Variants in NDST1 observed in about 807,000 individuals in gnomAD.
NDST1 encodes bifunctional heparan sulfate N-deacetylase/N-sulfotransferase 1.
In NDST1, 35 loss-of-function variants were observed where a neutral mutation model predicts 92.8. That is an observed-to-expected ratio of 0.38 (90% CI 0.29 to 0.50). The LOEUF (loss-of-function observed/expected upper bound fraction) is 0.50, where lower values mean the gene tolerates loss of function less well. Among genes scored for constraint, NDST1 ranks in the 20% least tolerant of loss-of-function variants. NDST1 has a pLI of 0.94. For synonymous variants in NDST1, 493 were observed against 500.3 expected, an observed-to-expected ratio of 0.99 and a Z score of 0.19; for missense variants, 822 against 1,182.7, an observed-to-expected ratio of 0.69 and a Z score of 4.47.
intron 1 of NDST1, among the ~76,000 whole-genome samples, chr5:150,516,413 A>G (rs940886874): frequency 1.3e-5 from 2 of 152,246 alleles, no homozygotes; most frequent in African/African-American, 4.8e-5. Context: ...GGTTCTGAGC[A>G]TCTTATGTAT....
intron 1 of NDST1, among the ~76,000 whole-genome samples, chr5:150,509,515 G>A (rs980116938): frequency 5.3e-5 from 8 of 152,094 alleles, no homozygotes; most frequent in African/African-American, 1.9e-4. Context: ...GGCAGGAGGT[G>A]GCCCCCCTTT....
rs1755893509 is a variant in NDST1, at chr5:150,557,441, G to A, written c.*4109G>A. 1 of 152,586 alleles carries A rather than the reference G, an allele frequency of 6.6e-6. No individual in the cohort carries two copies. The highest frequency in any genetic ancestry group is 2.4e-5 in the African/African-American group (1 of 41,458). 9.5% of individuals were successfully genotyped at this position (152,586 alleles called of 1,614,324 possible). On this transcript the variant is annotated 3_prime_UTR_variant, in exon 15 of 15. Coordinates refer to ENST00000261797, the MANE Select transcript of NDST1 (RefSeq NM_001543.5). This position sits in a 1 kb window ranked among gnomAD's most constrained non-coding sequence, Gnocchi z 4.7. ...GTTGCAGCAGGGAAAAGCCTACATG[G>A]GGAACTGCCTCCCGCAAGCTGTGGT...
rs1348032579 is a variant in NDST1 at position 150,535,749 on chromosome 5, C to T, written c.1301C>T (p.Ser434Leu). The T allele has an allele frequency of 3.1e-6, 5 of 1,614,232 alleles. No individual in the cohort carries two copies. The highest frequency in any genetic ancestry group is 4.2e-6 in the Non-Finnish European group (5 of 1,180,048). ...GGGTATGCAGTGGCGCCCCACCACT[C>T]GGGCGTGTACCCCGTGCACGTGCAG... ...DMGYAVAPHH[S>L]GVYPVHVQLY... The change falls in exon 6 of 15, where the codon TCG becomes TTG. Residue 434 changes from serine to leucine, a missense_variant. Coordinates refer to ENST00000261797, the MANE Select transcript of NDST1 (RefSeq NM_001543.5).
intron 3 of NDST1, among the ~76,000 whole-genome samples, chr5:150,532,033 A>G (rs1432318064): frequency 6.6e-6 from 1 of 152,180 alleles, no homozygotes. Flanking sequence ...CATTTGATAG[A>G]TGAAGACACA....
intron 13 of NDST1, among the ~76,000 whole-genome samples, chr5:150,551,489 T>C (rs1196706006): frequency 6.6e-6 from 1 of 152,178 alleles, no homozygotes; most frequent in East Asian, 1.9e-4. Flanking sequence ...TGTAGATTGC[T>C]GAAGCGGCTG....
intron 1 of NDST1, among the ~76,000 whole-genome samples, chr5:150,515,996 C>G (rs1294743176): frequency 1.5e-5 from 2 of 134,796 alleles, no homozygotes; most frequent in East Asian, 5.3e-4. Flanking sequence ...TTGGCCTTCT[C>G]TGAGGACAGG....
In NDST1 at chr5:150,535,227, G is replaced by T. The variant is rs79588059; in HGVS notation, c.1251+206G>T. On this transcript the variant is annotated intron_variant, in intron 5 of 14. Coordinates refer to ENST00000261797, the MANE Select transcript of NDST1 (RefSeq NM_001543.5). ...ACCCCTTTACAGACAAGAAACCAAGGCTCAGGGAGGTCACACCAGCTACTA... is the reference window on the plus strand; with the variant it reads ...ACCCCTTTACAGACAAGAAACCAAGTCTCAGGGAGGTCACACCAGCTACTA... The T allele has an allele frequency of 3.3e-3, 2,872 of 877,954 alleles. 65 individuals are homozygous for T. The African/African-American group carries it at 0.048, about 15-fold the overall frequency. 54.4% of individuals were successfully genotyped at this position (877,954 alleles called of 1,614,324 possible).
chr5:150,552,595 T>G (rs996657752), intron 14 of NDST1: 12 of 180,084 alleles, frequency 6.7e-5, no homozygotes, highest in Non-Finnish European at 1.1e-4. Flanking sequence ...TCAATCGATC[T>G]TCCCGCCTCA....
intron 6 of NDST1, among the ~76,000 whole-genome samples, chr5:150,537,837 C>T (rs541424002): frequency 2.0e-5 from 3 of 152,276 alleles, no homozygotes; most frequent in Middle Eastern, 3.4e-3. Context: ...CCCCTGGACA[C>T]CCAGCTTTAA....
chr5:150,552,619 C>T (rs1405381799), intron 14 of NDST1: 1 of 191,310 alleles, frequency 5.2e-6, no homozygotes, highest in African/African-American at 2.4e-5. Flanking sequence ...TGCCATAGTG[C>T]TGGTATTATA....
chr5:150,535,606 C>T (rs1019228009), intron 5 of NDST1, 94 bp from the exon 6 acceptor site: 12 of 1,482,596 alleles, frequency 8.1e-6, no homozygotes, highest in South Asian at 1.1e-5. Context: ...GCCGACCTAA[C>T]CTCTGATTTC....
At chr5:150,511,875 G>A (rs1447524347) in intron 1 of NDST1, among the ~76,000 whole-genome samples, 1 of 152,100 alleles carries the variant, frequency 6.6e-6, no homozygotes, top group Non-Finnish European at 1.5e-5. Context: ...TTGCTGAGCT[G>A]GATGTGGTGG....
Position 150,528,062 on chromosome 5 carries a change from C to A in NDST1, c.772C>A (p.Leu258Met). Residue 258 changes from leucine to methionine, a missense_variant, in exon 3 of 15, where the codon CTG becomes ATG. Coordinates refer to ENST00000261797, the MANE Select transcript of NDST1 (RefSeq NM_001543.5). The stretch of plus-strand genomic sequence containing the variant: ...CCCACACCTGGGCGCAGACGCCGGC[C>A]TGCATGCTGCACTGCACGCCACTGT... ...SIPHLGADAG[L>M]HAALHATVVQ... The A allele has an allele frequency of 6.2e-7, 1 of 1,613,706 alleles. No homozygotes were observed. The highest frequency in any genetic ancestry group is 8.5e-7 in the Non-Finnish European group (1 of 1,179,762).
chr5:150,520,753 T>C (rs1581365205), intron 1 of NDST1, 115 bp from the exon 2 acceptor site: 2 of 394,460 alleles, frequency 5.1e-6, no homozygotes, highest in East Asian at 7.2e-5. Flanking sequence ...CATGCAACCT[T>C]GGTTCGGCAG....
At chr5:150,539,745 A>G in intron 7 of NDST1, 1 of 985,344 alleles carries the variant, frequency 1.0e-6, no homozygotes, top group Non-Finnish European at 1.2e-6. Flanking sequence ...ATAATATTAA[A>G]TAAACTTCAA....
In NDST1 at chr5:150,553,517, C is replaced by A; in HGVS notation, c.*185C>A. 1 of 783,354 alleles carries A rather than the reference C, an allele frequency of 1.3e-6. No homozygotes were observed. Among genetic ancestry groups the A allele is most frequent in the South Asian group, 1.4e-5 (1 of 70,376 alleles). 48.5% of individuals were successfully genotyped at this position (783,354 alleles called of 1,614,324 possible). ...TCTGCAAGCACCTCGGAGCACCCAC[C>A]GCTGGGTCTGCGGCCTAAGGGACCT... On this transcript the variant is annotated 3_prime_UTR_variant, in exon 15 of 15. Transcript: ENST00000261797. This position sits in a 1 kb window ranked among gnomAD's most constrained non-coding sequence, Gnocchi z 4.2.
chr5:150,506,145 G>A (rs1753445217), upstream of NDST1, among the ~76,000 whole-genome samples: 1 of 152,216 alleles, frequency 6.6e-6, no homozygotes, highest in Non-Finnish European at 1.5e-5. Context: ...GGGTCTAGCT[G>A]TGTCGCACAG....
chr5:150,553,997 C>A lies in NDST1; in HGVS notation c.*665C>A. On this transcript the variant is annotated 3_prime_UTR_variant, in exon 15 of 15. Transcript: ENST00000261797. This position sits in a 1 kb window ranked among gnomAD's most constrained non-coding sequence, Gnocchi z 4.2. ...GGGCCTTGGGGCACTGCCTTGCCAT[C>A]GGGCCCAGTTCTCCGGGCCCCACCT... 2.5e-6 allele frequency: 1 copy of A among 407,270 alleles called. No individual in the cohort carries two copies. Among genetic ancestry groups the A allele is most frequent in the Non-Finnish European group, 4.3e-6 (1 of 230,146 alleles). The allele number at this position is 407,270 out of a possible 1,614,324, so 25.2% of individuals were successfully genotyped here.
rs1754227054 is a variant in NDST1 at position 150,521,217 on chromosome 5, A to C, written c.-38A>C. The C allele has an allele frequency of 6.3e-7, 1 of 1,579,114 alleles. No individual in the cohort carries two copies. On this transcript the variant is annotated 5_prime_UTR_variant, in exon 2 of 15. Coordinates refer to ENST00000261797, the MANE Select transcript of NDST1 (RefSeq NM_001543.5). The surrounding 1 kb of genome is among the most constrained non-coding windows in gnomAD (Gnocchi z 5.9). The stretch of plus-strand genomic sequence containing the variant: ...TGTGGGGCCTTGGGGTAGCCAGGGC[A>C]GGCCGGGCCTCCGGTGGCCAAGGTC...
Sources: gnomAD v4.1 joint callset for allele counts (sites outside exome capture counted in the v4.1 genomes callset) on GRCh38, gnomAD v4.1.1 for gene constraint, Gnocchi (gnomAD v3.1) non-coding constraint, MANE v1.5 for transcripts, NCBI Gene and HGNC (gene_info 2026-07-23, HGNC 2026-07-21) for gene names.